The following PRR5L variants were observed in gnomAD, a reference collection of about 807,000 sequenced individuals.
PRR5L encodes proline rich 5 like, also known as proline-rich protein 5-like.
Under a neutral mutation model 36.4 loss-of-function variants are expected in PRR5L, and 21 were observed. The ratio of observed to expected loss-of-function variants is 0.58; its 90% CI spans 0.41 to 0.83. The LOEUF (loss-of-function observed/expected upper bound fraction) is 0.83, where lower values mean the gene tolerates loss of function less well. Among genes scored for constraint, PRR5L ranks in the 40% least tolerant of loss-of-function variants. The pLI is 0.00. For missense variants in PRR5L, 381 were observed against 473.3 expected (o/e 0.80, Z 1.81); for synonymous variants, 188 against 197.0 (o/e 0.95, Z 0.38).
chr11:36,424,261 C>T (rs1320953216), intron 4 of PRR5L, among the ~76,000 whole-genome samples: 1 of 152,070 alleles, frequency 6.6e-6, no homozygotes, highest in Non-Finnish European at 1.5e-5. Context: ...ATATATCACC[C>T]GAAAATGAGC....
At chr11:36,333,494 A>G (rs1287342334) in intron 1 of PRR5L, among the ~76,000 whole-genome samples, 1 of 152,224 alleles carries the variant, frequency 6.6e-6, no homozygotes, top group Non-Finnish European at 1.5e-5. Flanking sequence ...TTGACTGCTG[A>G]GTGGATTAAA....
intron 1 of PRR5L, among the ~76,000 whole-genome samples, chr11:36,378,547 C>A (rs1333232322): frequency 2.0e-5 from 3 of 152,142 alleles, no homozygotes; most frequent in African/African-American, 7.2e-5. Flanking sequence ...GTCTAACTAG[C>A]TTATTTCTCA....
intron 8 of PRR5L, 132 bp downstream of exon 8, chr11:36,451,467 G>A (rs1858943785): frequency 2.0e-5 from 22 of 1,123,124 alleles, no homozygotes; most frequent in South Asian, 3.1e-5. Context: ...CTTCCTGTGC[G>A]GGTCAGTGCA....
intron 1 of PRR5L, among the ~76,000 whole-genome samples, chr11:36,390,226 C>G (rs953705320): frequency 2.0e-5 from 3 of 151,992 alleles, no homozygotes; most frequent in Non-Finnish European, 4.4e-5. Context: ...TGAAGGTGGG[C>G]TATAAAGGGG....
At chr11:36,410,662 T>C (rs1281418718) in intron 3 of PRR5L, among the ~76,000 whole-genome samples, 4 of 152,214 alleles carry the variant, frequency 2.6e-5, no homozygotes, top group Non-Finnish European at 5.9e-5. Flanking sequence ...CTATTCCCAC[T>C]GCCACCCACT....
chr11:36,433,034 A>T (rs1858533425), intron 5 of PRR5L, among the ~76,000 whole-genome samples: 1 of 150,902 alleles, frequency 6.6e-6, no homozygotes, highest in Non-Finnish European at 1.5e-5. Flanking sequence ...CATCGATGAC[A>T]TTTTTTTTTC....
chr11:36,408,123 A>T (rs2133566955), intron 3 of PRR5L, among the ~76,000 whole-genome samples: 1 of 152,136 alleles, frequency 6.6e-6, no homozygotes, highest in Admixed American at 6.5e-5. Context: ...AAAATACAAA[A>T]ATTAGCCAGG....
intron 3 of PRR5L, among the ~76,000 whole-genome samples, chr11:36,405,100 C>G (rs558437879): frequency 2.0e-5 from 3 of 152,142 alleles, no homozygotes; most frequent in Non-Finnish European, 2.9e-5. Flanking sequence ...TTGTGGACAG[C>G]TGGGAGAGGT....
intron 3 of PRR5L, among the ~76,000 whole-genome samples, chr11:36,406,019 C>A (rs1857902737): frequency 6.6e-6 from 1 of 152,150 alleles, no homozygotes; most frequent in Non-Finnish European, 1.5e-5. Flanking sequence ...GGACTCATAG[C>A]AACACCTTTG....
chr11:36,326,215 C>T (rs887620158), intron 1 of PRR5L, among the ~76,000 whole-genome samples: 3 of 151,938 alleles, frequency 2.0e-5, no homozygotes, highest in African/African-American at 7.3e-5. Flanking sequence ...CTCCAATATA[C>T]ACCCTTTCCT....
At chr11:36,387,531 G>A (rs1256772838) in intron 1 of PRR5L, among the ~76,000 whole-genome samples, 1 of 152,218 alleles carries the variant, frequency 6.6e-6, no homozygotes, top group African/African-American at 2.4e-5. Flanking sequence ...GGATGGTTCT[G>A]AGTTTGTATT....
intron 3 of PRR5L, among the ~76,000 whole-genome samples, chr11:36,406,120 T>C (rs2133564522): frequency 6.6e-6 from 1 of 151,862 alleles, no homozygotes; most frequent in Admixed American, 6.5e-5. Context: ...TTTTTTGCCA[T>C]CGTTCCTTTC....
At chr11:36,311,865 T>A (rs1856506807) in intron 1 of PRR5L, among the ~76,000 whole-genome samples, 1 of 152,168 alleles carries the variant, frequency 6.6e-6, no homozygotes, top group Non-Finnish European at 1.5e-5. Flanking sequence ...TTGGAGACCA[T>A]CTGAATGTTT....
Position 36,446,311 on chromosome 11 carries a change from G to A in PRR5L, c.456G>A (p.Leu152=), listed in dbSNP as rs759830914. The change falls in exon 7 of 9, where the codon CTG becomes CTA. Residue 152 remains leucine (L), a synonymous_variant. Transcript: ENST00000530639. ...TCTGTCCCCTCTAGGGCCAGGAGCT[G>A]ACTATCCGCCAGATCTCCCTGCTGG... ...AIFYPVQGQE[L]TIRQISLLGF... is the part of the protein sequence containing the mutation. 8.7e-6 allele frequency: 14 copies of A among 1,613,824 alleles called. No individual in the cohort carries two copies. Among genetic ancestry groups the A allele is most frequent in the Non-Finnish European group, 1.2e-5 (14 of 1,180,026 alleles).
At chr11:36,326,439 T>G (rs1488708526) in intron 1 of PRR5L, among the ~76,000 whole-genome samples, 1 of 151,354 alleles carries the variant, frequency 6.6e-6, no homozygotes, top group East Asian at 1.9e-4. Flanking sequence ...ATTTTCCCAG[T>G]TTTCTCCAAA....
chr11:36,407,014 GA>G (rs1227009963), intron 3 of PRR5L, among the ~76,000 whole-genome samples: 3 of 152,214 alleles, frequency 2.0e-5, no homozygotes, highest in African/African-American at 7.2e-5. Flanking sequence ...GGAGGATTGA[GA>G]TAATGCTAAA....
Position 36,419,264 on chromosome 11 carries a change from G to A in PRR5L, c.255G>A (p.Leu85=). 6.2e-7 allele frequency: 1 copy of A among 1,614,110 alleles called. No homozygotes were observed. The highest frequency in any genetic ancestry group is 8.5e-7 in the Non-Finnish European group (1 of 1,179,960). Residue 85 remains leucine (L), a synonymous_variant, in exon 4 of 9, where the codon TTG becomes TTA. Coordinates refer to ENST00000530639, the MANE Select transcript of PRR5L (RefSeq NM_001160167.2). ...YALNENIRRL[L]KSELGSFITD... ...TCTCCCTTCTCCCCAGGCGGCTGTT[G>A]AAGAGTGAACTTGGATCATTCATTA...
chr11:36,362,138 C>T (rs898073350), intron 1 of PRR5L: 1 of 150,888 alleles, frequency 6.6e-6, no homozygotes, highest in South Asian at 2.1e-4. Context: ...ATTGGCGAAC[C>T]GGTCACCGGC....
At chr11:36,328,055 G>A (rs1856682677) in intron 1 of PRR5L, among the ~76,000 whole-genome samples, 1 of 152,142 alleles carries the variant, frequency 6.6e-6, no homozygotes, top group South Asian at 2.1e-4. Context: ...ATGTTACAGA[G>A]TTTGCCTTTT....
Sources: allele counts gnomAD v4.1 joint callset (sites outside exome capture counted in the v4.1 genomes callset), GRCh38; gene constraint gnomAD v4.1.1; transcripts MANE v1.5; gene names NCBI Gene and HGNC (gene_info 2026-07-23, HGNC 2026-07-21).